The following SEC16B variants were observed in gnomAD, a reference collection of about 807,000 sequenced individuals.
The protein encoded by SEC16B is SEC16 homolog B, endoplasmic reticulum export factor, also known as protein transport protein Sec16B.
In SEC16B, 115 loss-of-function variants were observed where a neutral mutation model predicts 141.8. The ratio of observed to expected loss-of-function variants is 0.81; its 90% CI spans 0.70 to 0.95. The LOEUF is 0.95. Among genes scored for constraint, SEC16B ranks in the 40% least tolerant of loss-of-function variants. The probability of loss-of-function intolerance (pLI) is 0.00; values close to 1 mark genes in which losing one functional copy is unlikely to be tolerated. For synonymous variants in SEC16B, 493 were observed against 492.5 expected (o/e 1.00, Z -0.01); for missense variants, 1,291 against 1,312.3 (o/e 0.98, Z 0.25).
intron 6 of SEC16B, chr1:177,961,160 G>A (rs1330154207): frequency 1.3e-5 from 7 of 542,538 alleles, no homozygotes; most frequent in African/African-American, 9.5e-5. Flanking sequence ...TGATGATTCA[G>A]TCCAAATGAT....
intron 12 of SEC16B, among the ~76,000 whole-genome samples, 184 bp from the exon 13 acceptor site, chr1:177,948,126 CAGAT>C (rs745732535): frequency 1.3e-5 from 2 of 152,136 alleles, no homozygotes; most frequent in Non-Finnish European, 2.9e-5. Flanking sequence ...CAGAAGGACA[CAGAT>C]AGACAGATAC....
At chr1:177,940,541 C>T (rs917012820) in intron 17 of SEC16B, 69 bp downstream of exon 17, 4 of 1,110,038 alleles carry the variant, frequency 3.6e-6, no homozygotes, top group Non-Finnish European at 5.4e-6. Context: ...CTACCTGTTC[C>T]ATGTCTAGGG....
intron 5 of SEC16B, among the ~76,000 whole-genome samples, chr1:177,962,722 G>A (rs1653171791): frequency 6.6e-6 from 1 of 151,924 alleles, no homozygotes; most frequent in Non-Finnish European, 1.5e-5. Flanking sequence ...CTCCAGCCTG[G>A]GTGACAGAGC....
chr1:177,937,854 G>A (rs1650976215), intron 18 of SEC16B, among the ~76,000 whole-genome samples: 1 of 151,982 alleles, frequency 6.6e-6, no homozygotes. Flanking sequence ...TGGGAGGTGA[G>A]ACACCCCTCA....
rs745357868 is a variant in SEC16B, at chr1:177,965,902, C to T, written c.403G>A (p.Glu135Lys). 1.3e-6 allele frequency: 2 copies of T among 1,583,404 alleles called. No homozygotes were observed. Among genetic ancestry groups the T allele is most frequent in the Non-Finnish European group, 1.7e-6 (2 of 1,161,958 alleles). ...GGAGACTTTTCCATACCTCTTTCTTCCTGCAGCCACTGTGGGTGTCCATGA... is the reference window on the plus strand; with the variant it reads ...GGAGACTTTTCCATACCTCTTTCTTTCTGCAGCCACTGTGGGTGTCCATGA... ...YYHGHPQWLQ[E>K]ERVPRQRSPY... Residue 135 changes from glutamate to lysine, a missense_variant, in exon 3 of 26, where the codon GAA (glutamate) becomes AAA (lysine). This residue lies in a region of SEC16B where 681 missense variants were observed against 675.5 expected (regional missense o/e 1.01). Transcript: ENST00000308284.
At position 177,929,441 on chromosome 1, in the gene SEC16B, T is replaced by G. The variant is rs2101890551; in HGVS notation, c.*417A>C. ...TTACTAAGACAGGAAGTAGTCAAAG[T>G]TGGTCTAGAATATTGTTCTGAGCCC... On this transcript the variant is annotated 3_prime_UTR_variant, in exon 26 of 26. Transcript: ENST00000308284. The G allele has an allele frequency of 5.1e-6, 1 of 196,336 alleles. No individual in the cohort carries two copies. The highest frequency in any genetic ancestry group is 1.1e-4 in the South Asian group (1 of 9,248). 12.2% of individuals were successfully genotyped at this position (196,336 alleles called of 1,614,324 possible). A position where few individuals can be genotyped will look rare whatever the true frequency, so the allele number is the denominator to read the frequency against.
intron 14 of SEC16B, chr1:177,946,114 G>C: frequency 1.7e-6 from 1 of 571,430 alleles, no homozygotes; most frequent in East Asian, 2.9e-5. Flanking sequence ...TTTTTTAAAG[G>C]AACAAAGTTA....
chr1:177,942,022 C>T lies in SEC16B; in HGVS notation c.1900G>A (p.Ala634Thr), dbSNP rs1441545159. The part of the protein sequence containing the change: ...PSFQVYKLLY[A>T]SRLADYGLVS... ...AGGCCATAATCTGCCAGACGGGAAG[C>T]ATAAAGGAGCTTATACACCTGTGAA... Residue 634 changes from alanine to threonine, a missense_variant, in exon 16 of 26, where the codon GCT (alanine) becomes ACT (threonine). By Grantham distance (58) the Ala-to-Thr change is moderately conservative. This residue lies in a region of SEC16B where 605 missense variants were observed against 614.1 expected (regional missense o/e 0.99). Transcript: ENST00000308284. The T allele has an allele frequency of 6.2e-7, 1 of 1,613,784 alleles. No individual in the cohort carries two copies. Among genetic ancestry groups the T allele is most frequent in the Non-Finnish European group, 8.5e-7 (1 of 1,179,786 alleles).
intron 10 of SEC16B, among the ~76,000 whole-genome samples, chr1:177,957,521 T>A (rs1652701223): frequency 6.6e-6 from 1 of 152,136 alleles, no homozygotes. Context: ...TATTTTTAAT[T>A]TGTATGAGTA....
intron 16 of SEC16B, among the ~76,000 whole-genome samples, chr1:177,941,355 G>T (rs1651258363): frequency 6.6e-6 from 1 of 152,028 alleles, no homozygotes; most frequent in Non-Finnish European, 1.5e-5. Context: ...AAAATTTAAG[G>T]GTAGGCTGCT....
chr1:177,936,249 C>A, intron 20 of SEC16B, 49 bp downstream of exon 20: 1 of 1,504,488 alleles, frequency 6.6e-7, no homozygotes, highest in Non-Finnish European at 9.1e-7. Flanking sequence ...TGGTAAAAAC[C>A]AGAAGCATTT....
chr1:177,946,379 G>A, intron 14 of SEC16B, 41 bp downstream of exon 14: 1 of 1,415,686 alleles, frequency 7.1e-7, no homozygotes, highest in South Asian at 1.2e-5. Flanking sequence ...ACAGTCCCTT[G>A]GAAAATGTCC....
At chr1:177,956,108 T>A (rs1652580161) in intron 10 of SEC16B, among the ~76,000 whole-genome samples, 1 of 152,238 alleles carries the variant, frequency 6.6e-6, no homozygotes, top group African/African-American at 2.4e-5. Context: ...GTTATTACCT[T>A]TTTAAGTGAT....
intron 5 of SEC16B, 75 bp downstream of exon 5, chr1:177,964,096 C>T: frequency 9.4e-7 from 1 of 1,069,496 alleles, no homozygotes; most frequent in African/African-American, 1.6e-5. Context: ...CCCAAGGGCC[C>T]TGTTCTGCCA....
chr1:177,944,672 A>T lies in SEC16B; in HGVS notation c.1776-6T>A, dbSNP rs1412586753. On this transcript the variant is annotated splice_polypyrimidine_tract_variant and splice_region_variant and intron_variant, in intron 14 of 25. Coordinates refer to ENST00000308284, the MANE Select transcript of SEC16B (RefSeq NM_033127.4). ...CAAATTTCAAAAACTCTTGACTAAA[A>T]CCAGAGAATAACAATAAAAGAGATT... 6.2e-7 allele frequency: 1 copy of T among 1,609,522 alleles called. No homozygotes were observed.
intron 14 of SEC16B, 117 bp from the exon 15 acceptor site, chr1:177,944,783 T>G (rs1315267934): frequency 9.0e-6 from 7 of 780,960 alleles, no homozygotes. Flanking sequence ...CATCCTGGGC[T>G]GATGCCTGCG....
chr1:177,928,950 G>T lies in SEC16B; in HGVS notation c.*908C>A, dbSNP rs1650224137. 6.6e-6 allele frequency: 1 copy of T among 152,260 alleles called. No individual in the cohort carries two copies. The highest frequency in any genetic ancestry group is 2.1e-4 in the South Asian group (1 of 4,828). The allele number at this position is 152,260 out of a possible 1,614,324, so 9.4% of individuals were successfully genotyped here. On this transcript the variant is annotated 3_prime_UTR_variant, in exon 26 of 26. Transcript: ENST00000308284. ...ACAGCAAGAGTCATTCCTATTTTGG[G>T]TTTGAAAAGAGAAATGGAAATTTCC...
intron 4 of SEC16B, among the ~76,000 whole-genome samples, chr1:177,964,803 A>G (rs1202622944): frequency 6.6e-6 from 1 of 152,152 alleles, no homozygotes; most frequent in Non-Finnish European, 1.5e-5. Context: ...ACCTCAAGGA[A>G]CCTCACAGGA....
rs748431717 is a variant in SEC16B, at chr1:177,964,169, A to G, written c.642+2T>C. 3.7e-5 allele frequency: 60 copies of G among 1,609,242 alleles called. No homozygotes were observed. Among genetic ancestry groups the G allele is most frequent in the Non-Finnish European group, 4.8e-5 (57 of 1,177,040 alleles). ...TCCAGCCCCCACGTCACTTTAGGTT[A>G]CCTTATTTTTCTGGGCCTCAGCAAG... On this transcript the variant is annotated splice_donor_variant, in intron 5 of 25. Transcript: ENST00000308284. LOFTEE classifies it high-confidence loss of function.
Sources: gnomAD v4.1 joint callset for allele counts (sites outside exome capture counted in the v4.1 genomes callset) on GRCh38, gnomAD v4.1.1 for gene constraint, gnomAD v4.1.1 regional missense constraint, MANE v1.5 for transcripts, NCBI Gene and HGNC (gene_info 2026-07-23, HGNC 2026-07-21) for gene names.